The following FHIT variants were observed in gnomAD, a reference collection of about 807,000 sequenced individuals.
The protein encoded by FHIT is bis(5'-adenosyl)-triphosphatase.
In FHIT, 19 loss-of-function variants were observed where a neutral mutation model predicts 17.9. The observed-to-expected ratio is 1.06, with a 90% CI of 0.74 to 1.56. The LOEUF (loss-of-function observed/expected upper bound fraction) is 1.56. Ranked by LOEUF, FHIT falls within the 40% of genes most tolerant of loss-of-function variation. The pLI, the probability that FHIT is intolerant of heterozygous loss-of-function variation, is 0.00. For missense variants in FHIT, 248 were observed against 189.2 expected (o/e 1.31, Z -1.82); for synonymous variants, 81 against 69.7 (o/e 1.16, Z -0.81).
At chr3:59,984,698 G>C (rs974317919) in intron 7 of FHIT, among the ~76,000 whole-genome samples, 4 of 152,044 alleles carry the variant, frequency 2.6e-5, no homozygotes, top group African/African-American at 9.7e-5. Context: ...ATGAAAATGT[G>C]CCTTCATTTA....
chr3:60,417,118 A>C (rs1702280515), intron 5 of FHIT, among the ~76,000 whole-genome samples: 1 of 152,020 alleles, frequency 6.6e-6, no homozygotes, highest in Non-Finnish European at 1.5e-5. Flanking sequence ...AAAATTTGAG[A>C]ACAACTATTA....
intron 2 of FHIT, among the ~76,000 whole-genome samples, chr3:61,182,068 A>G (rs1325871624): frequency 6.6e-6 from 1 of 152,174 alleles, no homozygotes; most frequent in Non-Finnish European, 1.5e-5. Context: ...TGAAGGGGAA[A>G]TAACTTTCTC....
chr3:60,616,858 T>A (rs1553676119), intron 4 of FHIT: 1 of 152,440 alleles, frequency 6.6e-6, no homozygotes, highest in African/African-American at 2.4e-5. Context: ...ACCTGACTAT[T>A]ATGGCACCAA....
At chr3:60,395,982 T>C (rs1426790106) in intron 5 of FHIT, among the ~76,000 whole-genome samples, 1 of 152,088 alleles carries the variant, frequency 6.6e-6, no homozygotes, top group Non-Finnish European at 1.5e-5. Flanking sequence ...TCCACAACAA[T>C]GGCTACAAAC....
chr3:59,958,670 A>T (rs556816653), intron 7 of FHIT, among the ~76,000 whole-genome samples: 2 of 152,348 alleles, frequency 1.3e-5, no homozygotes, highest in African/African-American at 4.8e-5. Context: ...TGAAATAATG[A>T]TGTTGGCTAG....
intron 1 of FHIT, among the ~76,000 whole-genome samples, chr3:61,218,077 C>G (rs1236749813): frequency 6.6e-6 from 1 of 152,052 alleles, no homozygotes; most frequent in African/African-American, 2.4e-5. Flanking sequence ...GTAGATGGGA[C>G]TGTAGCTAAG....
chr3:61,013,733 T>C (rs2031924432), intron 3 of FHIT, among the ~76,000 whole-genome samples: 1 of 152,202 alleles, frequency 6.6e-6, no homozygotes, highest in Admixed American at 6.5e-5. Context: ...GGCTAAATTT[T>C]ATCACTAATT....
Position 60,036,494 on chromosome 3 carries a change from G to A in FHIT, c.104-22342C>T, listed in dbSNP as rs17061910. Among the ~76,000 whole-genome samples the A allele has an allele frequency of 1.1e-3, 171 of 152,184 alleles. 1 individual carries two copies. The Middle Eastern group carries it at 0.02, about 18-fold the overall frequency. ...TGAGAGTTTCATCTCCAAAGACTTCGAATACCCTGGAGGCTAGTAATACGT... is the reference window on the plus strand; with the variant it reads ...TGAGAGTTTCATCTCCAAAGACTTCAAATACCCTGGAGGCTAGTAATACGT... On this transcript the variant is annotated intron_variant, in intron 5 of 9. Coordinates refer to ENST00000492590, the MANE Select transcript of FHIT (RefSeq NM_002012.4).
At chr3:61,146,165 A>T (rs1445594199) in intron 2 of FHIT, among the ~76,000 whole-genome samples, 2 of 152,052 alleles carry the variant, frequency 1.3e-5, no homozygotes, top group African/African-American at 4.8e-5. Flanking sequence ...TGGTTAGTAA[A>T]ACCATACAGA....
At chr3:59,791,417 A>T (rs544983840) in intron 8 of FHIT, among the ~76,000 whole-genome samples, 42 of 152,196 alleles carry the variant, frequency 2.8e-4, no homozygotes, top group African/African-American at 9.9e-4. Context: ...CCCTGAGGAG[A>T]GGTTGCCTGA....
Position 60,487,322 on chromosome 3 carries a change from G to C in FHIT, c.103+49538C>G, listed in dbSNP as rs180745271. Among the ~76,000 whole-genome samples the C allele has an allele frequency of 1.2e-3, 182 of 152,318 alleles. 1 individual carries two copies. Among genetic ancestry groups the C allele is most frequent in the Middle Eastern group, 6.8e-3 (2 of 294 alleles). On this transcript the variant is annotated intron_variant, in intron 5 of 9. Coordinates refer to ENST00000492590, the MANE Select transcript of FHIT (RefSeq NM_002012.4). ...TCTAGGAAGCTCCTTAAGGTAGAATGAGAAACTTACTCAGGCAGGCTCCTG... is the reference window on the plus strand; with the variant it reads ...TCTAGGAAGCTCCTTAAGGTAGAATCAGAAACTTACTCAGGCAGGCTCCTG...
chr3:60,101,678 C>T (rs984327995), intron 5 of FHIT, among the ~76,000 whole-genome samples: 14 of 152,036 alleles, frequency 9.2e-5, no homozygotes, highest in African/African-American at 2.9e-4. Flanking sequence ...GGCATTGTAC[C>T]CCCTATTAAC....
At chr3:59,765,527 G>T (rs910322316) in intron 8 of FHIT, among the ~76,000 whole-genome samples, 1 of 152,234 alleles carries the variant, frequency 6.6e-6, no homozygotes, top group Non-Finnish European at 1.5e-5. Context: ...TTGATCAAGA[G>T]TTAGAACTTG....
chr3:60,741,796 A>G (rs1553713947), intron 4 of FHIT, among the ~76,000 whole-genome samples: 1 of 152,212 alleles, frequency 6.6e-6, no homozygotes, highest in Non-Finnish European at 1.5e-5. Flanking sequence ...AGAAAAAGCA[A>G]CCATTGAAAT....
intron 4 of FHIT, among the ~76,000 whole-genome samples, chr3:60,821,345 C>A (rs1370126419): frequency 6.6e-6 from 1 of 152,144 alleles, no homozygotes; most frequent in Non-Finnish European, 1.5e-5. Context: ...TTTACTCTAA[C>A]GTAAAGCCTC....
chr3:61,233,784 C>G (rs779019089), intron 1 of FHIT, among the ~76,000 whole-genome samples: 14 of 152,178 alleles, frequency 9.2e-5, no homozygotes, highest in Non-Finnish European at 1.6e-4. Flanking sequence ...CCTCTCACCC[C>G]CTCCTGACTC....
chr3:60,808,990 T>C (rs1481214561), intron 4 of FHIT, among the ~76,000 whole-genome samples: 2 of 152,224 alleles, frequency 1.3e-5, no homozygotes, highest in African/African-American at 4.8e-5. Context: ...TTTTATACTT[T>C]TGCATTTAAA....
intron 8 of FHIT, among the ~76,000 whole-genome samples, chr3:59,784,612 G>C (rs949288685): frequency 6.6e-6 from 1 of 152,168 alleles, no homozygotes; most frequent in South Asian, 2.1e-4. Context: ...ACGCAGTCAC[G>C]ACCTTAAAAA....
At chr3:60,829,196 G>T (rs1180757049) in intron 3 of FHIT, among the ~76,000 whole-genome samples, 1 of 152,164 alleles carries the variant, frequency 6.6e-6, no homozygotes, top group Non-Finnish European at 1.5e-5. Context: ...TATGATCCAT[G>T]CCTGCATCCT....
Sources: allele counts gnomAD v4.1 joint callset (sites outside exome capture counted in the v4.1 genomes callset), GRCh38; gene constraint gnomAD v4.1.1; transcripts MANE v1.5; gene names NCBI Gene and HGNC (gene_info 2026-07-23, HGNC 2026-07-21).